Variants in C6 observed in about 807,000 individuals in gnomAD.
C6 encodes the protein complement C6.
Under a neutral mutation model 112.9 loss-of-function variants are expected in C6, and 101 were observed. The observed-to-expected ratio is 0.89, with a 90% CI of 0.76 to 1.06. The LOEUF (loss-of-function observed/expected upper bound fraction) is 1.06, where lower values mean the gene tolerates loss of function less well. C6 is among the 50% of genes least tolerant of loss of function. The pLI, the probability that C6 is intolerant of heterozygous loss-of-function variation, is 0.00. For synonymous variants in C6, 431 were observed against 384.1 expected (o/e 1.12, Z -1.43); for missense variants, 1,202 against 1,104.6 (o/e 1.09, Z -1.25).
exon 1 of C6, chr5:41,261,322 A>G (rs1021043405): frequency 2.0e-5 from 9 of 446,266 alleles, no homozygotes; most frequent in African/African-American, 1.7e-4. Flanking sequence ...TGAAATATTT[A>G]AGCTAGAAAC....
intron 2 of C6, among the ~76,000 whole-genome samples, chr5:41,202,507 G>A (rs1031804622): frequency 1.3e-5 from 2 of 152,128 alleles, no homozygotes; most frequent in African/African-American, 4.8e-5. Context: ...ATTCTCTAAT[G>A]GTTAAAACAC....
intron 9 of C6, among the ~76,000 whole-genome samples, 194 bp downstream of exon 9, chr5:41,172,031 C>T (rs1042511259): frequency 6.6e-6 from 1 of 152,086 alleles, no homozygotes; most frequent in East Asian, 1.9e-4. Context: ...ATAAAGAAAA[C>T]CTTAACAATT....
intron 1 of C6, among the ~76,000 whole-genome samples, chr5:41,212,401 C>T (rs1159496482): frequency 1.3e-5 from 2 of 152,092 alleles, no homozygotes; most frequent in Non-Finnish European, 2.9e-5. Flanking sequence ...CCTTGTGATT[C>T]ACCTGCCTCG....
In C6 at chr5:41,171,464, C is replaced by T. The variant is rs111636121; in HGVS notation, c.1291+761G>A. 7.9e-3 allele frequency among the ~76,000 whole-genome samples: 1,208 copies of T among 152,288 alleles called. 17 individuals carry two copies. The highest frequency in any genetic ancestry group is 0.027 in the African/African-American group (1,132 of 41,570). ...GCTATTAGATATGAGTGAGAACCAA[C>T]AGCAGCAGGGAGAGAATATGTGAAG... On this transcript the variant is annotated intron_variant, in intron 9 of 17. Coordinates refer to ENST00000337836, the MANE Select transcript of C6 (RefSeq NM_000065.5).
chr5:41,192,831 C>T (rs973846823), intron 5 of C6, among the ~76,000 whole-genome samples: 1 of 151,986 alleles, frequency 6.6e-6, no homozygotes, highest in East Asian at 1.9e-4. Context: ...TTTACATGAA[C>T]AGAAAGTGAA....
At chr5:41,175,964 C>T (rs901770246) in intron 8 of C6, among the ~76,000 whole-genome samples, 2 of 152,148 alleles carry the variant, frequency 1.3e-5, no homozygotes, top group African/African-American at 4.8e-5. Context: ...CTAGCTTAGT[C>T]GCTTGTCAAG....
chr5:41,238,306 T>C (rs1326099899), intron 1 of C6, among the ~76,000 whole-genome samples: 1 of 148,174 alleles, frequency 6.7e-6, no homozygotes, highest in Admixed American at 6.8e-5. Context: ...GCTGGAGGCA[T>C]CACACTACCT....
intron 1 of C6, among the ~76,000 whole-genome samples, chr5:41,256,009 C>A (rs1741673288): frequency 6.6e-6 from 1 of 152,124 alleles, no homozygotes; most frequent in African/African-American, 2.4e-5. Context: ...GCAGTGAGAG[C>A]AAATGTCATG....
At chr5:41,155,488 G>A (rs929899126) in intron 13 of C6, among the ~76,000 whole-genome samples, 1 of 152,040 alleles carries the variant, frequency 6.6e-6, no homozygotes, top group African/African-American at 2.4e-5. Context: ...AGGAGTTCGA[G>A]ACCAGCTGGG....
chr5:41,158,843 G>A, intron 12 of C6, 58 bp from the exon 13 acceptor site: 1 of 1,060,360 alleles, frequency 9.4e-7, no homozygotes, highest in South Asian at 1.3e-5. Flanking sequence ...ATTTACATGT[G>A]TGTATATGCT....
intron 4 of C6, among the ~76,000 whole-genome samples, chr5:41,198,938 G>A (rs1047599724): frequency 1.3e-5 from 2 of 152,022 alleles, no homozygotes; most frequent in African/African-American, 2.4e-5. Flanking sequence ...GTCAATTTGT[G>A]ACATGACCTT....
intron 1 of C6, among the ~76,000 whole-genome samples, chr5:41,257,940 A>G (rs1420986920): frequency 6.6e-6 from 1 of 152,208 alleles, no homozygotes; most frequent in African/African-American, 2.4e-5. Flanking sequence ...AACCATCAGC[A>G]TAAATTTTTT....
At chr5:41,186,444 A>G in intron 5 of C6, 1 of 519,358 alleles carries the variant, frequency 1.9e-6, no homozygotes, top group Non-Finnish European at 3.5e-6. Flanking sequence ...CACTTACTTA[A>G]TTGTTCTTGG....
intron 12 of C6, 144 bp from the exon 13 acceptor site, chr5:41,158,929 C>A (rs1747196737): frequency 9.1e-7 from 1 of 1,100,976 alleles, no homozygotes; most frequent in Non-Finnish European, 1.4e-6. Context: ...AAAGGCACGG[C>A]AGTAGACCCA....
chr5:41,189,717 T>G (rs1750051961), intron 5 of C6, among the ~76,000 whole-genome samples: 1 of 152,106 alleles, frequency 6.6e-6, no homozygotes, highest in Admixed American at 6.5e-5. Context: ...AACTTATTCC[T>G]CTTATCTAGC....
chr5:41,146,753 T>C (rs1745863702), intron 17 of C6, among the ~76,000 whole-genome samples: 1 of 152,182 alleles, frequency 6.6e-6, no homozygotes, highest in Non-Finnish European at 1.5e-5. Flanking sequence ...TAGTACTTTT[T>C]TTTTTAAAAC....
intron 9 of C6, among the ~76,000 whole-genome samples, chr5:41,170,969 A>G (rs1748379417): frequency 6.6e-6 from 1 of 152,172 alleles, no homozygotes; most frequent in South Asian, 2.1e-4. Context: ...GAAACCTGAC[A>G]TGTTCTAAGT....
intron 11 of C6, 136 bp from the exon 12 acceptor site, chr5:41,159,389 T>C: frequency 4.2e-6 from 6 of 1,444,256 alleles, no homozygotes; most frequent in Non-Finnish European, 5.5e-6. Flanking sequence ...TTCTAAGGAT[T>C]AAAAGAAATT....
intron 4 of C6, among the ~76,000 whole-genome samples, chr5:41,196,559 A>G (rs1303546326): frequency 6.6e-6 from 1 of 151,944 alleles, no homozygotes; most frequent in Non-Finnish European, 1.5e-5. Context: ...GATTGTTTAC[A>G]TGATTGCATA....
Sources: gnomAD v4.1 joint callset for allele counts (sites outside exome capture counted in the v4.1 genomes callset) on GRCh38, gnomAD v4.1.1 for gene constraint, MANE v1.5 for transcripts, NCBI Gene and HGNC (gene_info 2026-07-23, HGNC 2026-07-21) for gene names.